TCF3: variants seen among roughly 807,000 people sequenced by gnomAD.
The protein encoded by TCF3 is transcription factor 3.
Under a neutral mutation model 72.3 loss-of-function variants are expected in TCF3, and 54 were observed. The ratio of observed to expected loss-of-function variants is 0.75; its 90% CI spans 0.60 to 0.94. The LOEUF is 0.94. Among genes scored for constraint, TCF3 ranks in the 40% least tolerant of loss-of-function variants. The pLI, the probability that TCF3 is intolerant of heterozygous loss-of-function variation, is 0.00. For missense variants in TCF3, 1,078 were observed against 934.4 expected (o/e 1.15, Z -2.00); for synonymous variants, 525 against 412.6 (o/e 1.27, Z -3.30).
At chr19:1,652,236 C>G (rs2067241258) in intron 1 of TCF3, 64 bp downstream of exon 1, 2 of 145,260 alleles carry the variant, frequency 1.4e-5, no homozygotes, top group African/African-American at 5.0e-5. Context: ...CGGGGCGGGC[C>G]GGGGTTCCCT....
chr19:1,651,071 A>C (rs1030158470), intron 1 of TCF3: 1 of 232,288 alleles, frequency 4.3e-6, no homozygotes, highest in Admixed American at 5.6e-5. Context: ...GAGCGGGGAG[A>C]GCGTCTCAAG....
intron 5 of TCF3, among the ~76,000 whole-genome samples, chr19:1,630,768 G>A (rs2063609952): frequency 6.6e-6 from 1 of 152,262 alleles, no homozygotes; most frequent in African/African-American, 2.4e-5. Context: ...CACGACAGCG[G>A]GACCCCTGAG....
At chr19:1,642,158 A>G (rs1222886595) in intron 3 of TCF3, among the ~76,000 whole-genome samples, 2 of 149,342 alleles carry the variant, frequency 1.3e-5, no homozygotes, top group African/African-American at 2.5e-5. Context: ...ACACACACAC[A>G]CACACACGCA....
chr19:1,648,269 G>A (rs894722373), intron 2 of TCF3, among the ~76,000 whole-genome samples: 1 of 152,240 alleles, frequency 6.6e-6, no homozygotes, highest in Non-Finnish European at 1.5e-5. Context: ...CAGGAACAGA[G>A]TGGGGATGCG....
chr19:1,611,073 T>C lies in TCF3; in HGVS notation c.*634A>G, dbSNP rs576598773. 1 of 231,000 alleles carries C rather than the reference T, an allele frequency of 4.3e-6. No individual in the cohort carries two copies. Among genetic ancestry groups the C allele is most frequent in the Non-Finnish European group, 8.6e-6 (1 of 116,648 alleles). The allele number at this position is 231,000 out of a possible 1,614,324, so 14.3% of individuals were successfully genotyped here. On this transcript the variant is annotated 3_prime_UTR_variant, in exon 19 of 19. Transcript: ENST00000262965. ...CACGGGACTTTTATACAAAAAAATT[T>C]GTTGCTTACAAAACATATGCAAAAA...
rs1027417581 is a variant in TCF3 at position 1,615,871 on chromosome 19, G to A, written c.1451-50C>T. 1.3e-6 allele frequency: 2 copies of A among 1,497,100 alleles called. No individual in the cohort carries two copies. The highest frequency in any genetic ancestry group is 1.8e-6 in the Non-Finnish European group (2 of 1,124,892). The allele number at this position is 1,497,100 out of a possible 1,614,324, so 92.7% of individuals were successfully genotyped here. Reference sequence around the variant, plus strand: ...CCTGCGTCGGCCTCCAGGGCCAACTGACATATCTCTTTGTGCTCCTGTGGT... The same window carrying A: ...CCTGCGTCGGCCTCCAGGGCCAACTAACATATCTCTTTGTGCTCCTGTGGT... On this transcript the variant is annotated intron_variant, in intron 16 of 18. Coordinates refer to ENST00000262965, the MANE Select transcript of TCF3 (RefSeq NM_003200.5). The surrounding 1 kb of genome is among the most constrained non-coding windows in gnomAD (Gnocchi z 7.3).
chr19:1,619,299 C>A lies in TCF3; in HGVS notation c.1326+17G>T. On this transcript the variant is annotated intron_variant, in intron 15 of 18. Transcript: ENST00000262965. ...GTCCCCGCCCACTGCCCAGCTCCAC[C>A]CTCGCCCAGCGCTCACCAGGCCTGC... The A allele has an allele frequency of 1.3e-6, 2 of 1,567,786 alleles. No homozygotes were observed. The highest frequency in any genetic ancestry group is 1.1e-5 in the South Asian group (1 of 87,204).
intron 3 of TCF3, among the ~76,000 whole-genome samples, chr19:1,642,284 G>A (rs1413812303): frequency 1.5e-5 from 2 of 134,830 alleles, no homozygotes; most frequent in South Asian, 2.8e-4. Context: ...ACGCACAGAC[G>A]CGCACACGCA....
chr19:1,629,272 G>A (rs1000002388), intron 5 of TCF3, among the ~76,000 whole-genome samples: 1 of 152,036 alleles, frequency 6.6e-6, no homozygotes, highest in Non-Finnish European at 1.5e-5. Context: ...ACAGGCCTGG[G>A]GGCCCTGGCG....
chr19:1,644,522 G>A (rs1446919676), intron 3 of TCF3, among the ~76,000 whole-genome samples: 4 of 152,206 alleles, frequency 2.6e-5, no homozygotes, highest in East Asian at 1.9e-4. Flanking sequence ...CCGCCCTAAC[G>A]TGTGAGGGGA....
intron 7 of TCF3, among the ~76,000 whole-genome samples, chr19:1,624,389 C>T (rs1052162050): frequency 1.3e-5 from 2 of 152,078 alleles, no homozygotes; most frequent in Non-Finnish European, 1.5e-5. Context: ...AGAAAGACTC[C>T]GTCTCAAAAC....
chr19:1,638,348 C>T (rs368490253), intron 3 of TCF3, among the ~76,000 whole-genome samples: 1 of 152,310 alleles, frequency 6.6e-6, no homozygotes, highest in East Asian at 1.9e-4. Flanking sequence ...CAATTATGAA[C>T]AGATACAATG....
chr19:1,621,022 T>C lies in TCF3; in HGVS notation c.1039A>G (p.Asn347Asp), dbSNP rs2062137934. ...GTAGAAGGGCTGGACGAGAAGTTAT[T>C]GCTTGAGTGATCCGGGGAGTAGATC... The part of the protein sequence containing the change: ...ASIYSPDHSS[N>D]NFSSSPSTPV... The change falls in exon 13 of 19, where the codon AAT becomes GAT. Residue 347 changes from asparagine to aspartate, a missense_variant. Coordinates refer to ENST00000262965, the MANE Select transcript of TCF3 (RefSeq NM_003200.5). 2 of 1,521,018 alleles carry C rather than the reference T, an allele frequency of 1.3e-6. No homozygotes were observed. Among genetic ancestry groups the C allele is most frequent in the Admixed American group, 2.2e-5 (1 of 45,550 alleles). The allele number at this position is 1,521,018 out of a possible 1,614,324, so 94.2% of individuals were successfully genotyped here.
Position 1,615,429 on chromosome 19 carries a change from G to A in TCF3, c.1678C>T (p.Leu560=), listed in dbSNP as rs1052768. ...GCCTCGTTGATGTCACGGACCCGCA[G>A]CCGCTCCCGGGCGTTATTGGCCACC... ...RRVANNARER[L]RVRDINEAFK... The change falls in exon 18 of 19, where the codon CTG becomes TTG. Residue 560 remains leucine (L), a synonymous_variant. Transcript: ENST00000262965. This position sits in a 1 kb window ranked among gnomAD's most constrained non-coding sequence, Gnocchi z 7.3. 1.2e-5 allele frequency: 20 copies of A among 1,613,674 alleles called. No homozygotes were observed. The highest frequency in any genetic ancestry group is 5.9e-6 in the Non-Finnish European group (7 of 1,180,004).
intron 2 of TCF3, among the ~76,000 whole-genome samples, chr19:1,649,733 T>G (rs1281815095): frequency 6.6e-6 from 1 of 152,008 alleles, no homozygotes; most frequent in African/African-American, 2.4e-5. Flanking sequence ...CCCCTCCCAT[T>G]TACTGAAACA....
chr19:1,651,722 C>A (rs1301515487), intron 1 of TCF3, among the ~76,000 whole-genome samples: 1 of 151,834 alleles, frequency 6.6e-6, no homozygotes, highest in African/African-American at 2.4e-5. Context: ...GCAGGCGGTG[C>A]GGCCCGGGAG....
At position 1,651,044 on chromosome 19, in the gene TCF3, C is replaced by G. The variant is rs948277140; in HGVS notation, c.-39-757G>C. The G allele has an allele frequency of 4.3e-5, 10 of 232,056 alleles. No individual in the cohort carries two copies. The East Asian group carries it at 6.1e-4, about 14-fold the overall frequency. The allele number at this position is 232,056 out of a possible 1,614,324, so 14.4% of individuals were successfully genotyped here. A position where few individuals can be genotyped will look rare whatever the true frequency, so the allele number is the denominator to read the frequency against. On this transcript the variant is annotated intron_variant, in intron 1 of 18. Coordinates refer to ENST00000262965, the MANE Select transcript of TCF3 (RefSeq NM_003200.5). ...TTTTAAGCAAAACTTTGACAACATC[C>G]CTTGCCTGCCCTCCATGAGCGGGGA... is the stretch of plus-strand genomic sequence containing the variant.
At chr19:1,642,242 ACG>A (rs763463874) in intron 3 of TCF3, among the ~76,000 whole-genome samples, 14 of 147,942 alleles carry the variant, frequency 9.5e-5, no homozygotes, top group African/African-American at 2.2e-4. Flanking sequence ...GCACGCGCAG[ACG>A]CACACACACG....
At position 1,642,129 on chromosome 19, in the gene TCF3, T is replaced by TACACACACAC. The variant is rs10531649; in HGVS notation, c.145+4216_145+4225dup. On this transcript the variant is annotated intron_variant, in intron 3 of 18. Transcript: ENST00000262965. ...TGCATGTCTCAAAACTGCACAGAAC[T>TACACACACAC]ACACACACACACACACACACACACA... Among the ~76,000 whole-genome samples the TACACACACAC allele has an allele frequency of 1.2e-4, 18 of 147,358 alleles. No homozygotes were observed. In the East Asian group the frequency reaches 1.4e-3, roughly 11 times the overall value.
Sources: allele counts gnomAD v4.1 joint callset (sites outside exome capture counted in the v4.1 genomes callset), GRCh38; gene constraint gnomAD v4.1.1; non-coding constraint Gnocchi (gnomAD v3.1); transcripts MANE v1.5; gene names NCBI Gene and HGNC (gene_info 2026-07-23, HGNC 2026-07-21).